PDE9A: variants seen among roughly 807,000 people sequenced by gnomAD.
The protein encoded by PDE9A is phosphodiesterase 9A, also known as high affinity cGMP-specific 3',5'-cyclic phosphodiesterase 9A.
A neutral mutation model predicts 87.4 loss-of-function variants in PDE9A; 60 were observed. The observed-to-expected ratio is 0.69, with a 90% CI of 0.56 to 0.85. PDE9A has a LOEUF of 0.85. Among genes scored for constraint, PDE9A ranks in the 40% least tolerant of loss-of-function variants. The pLI is 0.00. For synonymous variants in PDE9A, 272 were observed against 279.4 expected (o/e 0.97, Z 0.27); for missense variants, 665 against 779.0 (o/e 0.85, Z 1.74).
At chr21:42,679,036 A>C (rs1163290071) in intron 1 of PDE9A, among the ~76,000 whole-genome samples, 1 of 152,194 alleles carries the variant, frequency 6.6e-6, no homozygotes, top group Non-Finnish European at 1.5e-5. Context: ...TCAGATAAAA[A>C]CACACAGGTG....
At chr21:42,725,656 G>T (rs2050957648) in intron 4 of PDE9A, among the ~76,000 whole-genome samples, 1 of 152,138 alleles carries the variant, frequency 6.6e-6, no homozygotes, top group Non-Finnish European at 1.5e-5. Flanking sequence ...CATCCATCCG[G>T]GTTGTCGCCT....
chr21:42,708,063 A>G (rs139318399), intron 4 of PDE9A, among the ~76,000 whole-genome samples: 19 of 152,266 alleles, frequency 1.2e-4, no homozygotes, highest in Non-Finnish European at 2.2e-4. Context: ...GCGCATAGAC[A>G]TGTTGCTCAT....
chr21:42,757,916 T>C (rs2055251417), intron 10 of PDE9A: 1 of 152,280 alleles, frequency 6.6e-6, no homozygotes, highest in Admixed American at 6.5e-5. Context: ...CTTTACCATG[T>C]TGACCTGGGG....
chr21:42,686,893 T>C (rs1162472663), intron 2 of PDE9A, among the ~76,000 whole-genome samples: 1 of 152,176 alleles, frequency 6.6e-6, no homozygotes, highest in Non-Finnish European at 1.5e-5. Flanking sequence ...AGCGGGGTGG[T>C]TGTGTGTGTT....
Position 42,687,887 on chromosome 21 carries a change from C to T in PDE9A, c.141-30C>T, listed in dbSNP as rs779535186. 57 of 1,600,788 alleles carry T rather than the reference C, an allele frequency of 3.6e-5. 1 individual carries two copies. The highest frequency in any genetic ancestry group is 2.0e-4 in the Admixed American group (12 of 59,976). On this transcript the variant is annotated intron_variant, in intron 2 of 19. Transcript: ENST00000291539. ...TGTACATCCCAGAGCACACTATGGGCGAAAACACGGGCTTGGGTGTGTTTT... is the reference window on the plus strand; with the variant it reads ...TGTACATCCCAGAGCACACTATGGGTGAAAACACGGGCTTGGGTGTGTTTT...
rs2058801696 is a variant in PDE9A at position 42,675,550 on chromosome 21, A to T, written c.70-10642A>T. On this transcript the variant is annotated intron_variant, in intron 1 of 19. Coordinates refer to ENST00000291539, the MANE Select transcript of PDE9A (RefSeq NM_002606.3). The surrounding 1 kb of genome is among the most constrained non-coding windows in gnomAD (Gnocchi z 4.3). ...GAAATGAGACTGTGAGTCAAAGGGC[A>T]CAAATACCGCCAACCTGCTTTCCGA... Among the ~76,000 whole-genome samples, 1 of 152,246 alleles carries T rather than the reference A, an allele frequency of 6.6e-6. No homozygotes were observed. The highest frequency in any genetic ancestry group is 2.1e-4 in the South Asian group (1 of 4,838).
In PDE9A at chr21:42,775,304, G is replaced by A. The variant is rs764720978; in HGVS notation, c.*11G>A. 13 of 1,610,086 alleles carry A rather than the reference G, an allele frequency of 8.1e-6. No homozygotes were observed. In the South Asian group the frequency reaches 1.2e-4, roughly 15 times the overall value. On this transcript the variant is annotated 3_prime_UTR_variant, in exon 20 of 20. Coordinates refer to ENST00000291539, the MANE Select transcript of PDE9A (RefSeq NM_002606.3). The stretch of plus-strand genomic sequence containing the variant: ...GGAGACTGTGCCTGAGGAAAGCGGG[G>A]GGCGTGGCTGCAGTTCTGGACGGGC...
Position 42,653,811 on chromosome 21 carries a change from C to T in PDE9A, c.-4C>T. ...AAAGTCCGAGTGCAGCCGCCGGGCG[C>T]AGGATGGGATCCGGCTCCTCCAGCT... On this transcript the variant is annotated 5_prime_UTR_variant, in exon 1 of 20. Transcript: ENST00000291539. 1 of 1,548,354 alleles carries T rather than the reference C, an allele frequency of 6.5e-7. No individual in the cohort carries two copies. The highest frequency in any genetic ancestry group is 2.6e-5 in the East Asian group (1 of 38,428).
chr21:42,729,757 C>T (rs1455983125), intron 4 of PDE9A, among the ~76,000 whole-genome samples: 1 of 152,116 alleles, frequency 6.6e-6, no homozygotes, highest in Non-Finnish European at 1.5e-5. Context: ...TCCTCTTTGA[C>T]CCTTAAGTTA....
intron 1 of PDE9A, among the ~76,000 whole-genome samples, chr21:42,678,444 T>TG (rs2058973535): frequency 6.6e-6 from 1 of 152,182 alleles, no homozygotes. Context: ...GCAGCCTCAA[T>TG]GCCCTTCTGA....
Position 42,696,515 on chromosome 21 carries a change from G to A in PDE9A, c.219-2453G>A, listed in dbSNP as rs1296814209. Among the ~76,000 whole-genome samples, 3 of 152,166 alleles carry A rather than the reference G, an allele frequency of 2.0e-5. No individual in the cohort carries two copies. Among genetic ancestry groups the A allele is most frequent in the East Asian group, 1.9e-4 (1 of 5,188 alleles). On this transcript the variant is annotated intron_variant, in intron 3 of 19. Transcript: ENST00000291539. This position sits in a 1 kb window ranked among gnomAD's most constrained non-coding sequence, Gnocchi z 5.1. ...GGCAAAGCCCCTTCCTGCTGCCCAC[G>A]CAGGTCCTGGCTTTCTCTCCACCCA...
chr21:42,767,479 C>G (rs553554538), intron 15 of PDE9A, among the ~76,000 whole-genome samples: 55 of 151,726 alleles, frequency 3.6e-4, no homozygotes, highest in African/African-American at 1.3e-3. Flanking sequence ...AGGATCCCTT[C>G]GAGGTCCTGC....
chr21:42,681,257 A>G (rs2059149721), intron 1 of PDE9A, among the ~76,000 whole-genome samples: 1 of 152,228 alleles, frequency 6.6e-6, no homozygotes, highest in Non-Finnish European at 1.5e-5. Flanking sequence ...TGGTTACCCA[A>G]AGGGCTTCCT....
chr21:42,775,412 T>C lies in PDE9A; in HGVS notation c.*119T>C. 1 of 740,898 alleles carries C rather than the reference T, an allele frequency of 1.3e-6. No individual in the cohort carries two copies. Among genetic ancestry groups the C allele is most frequent in the African/African-American group, 1.8e-5 (1 of 54,938 alleles). The allele number at this position is 740,898 out of a possible 1,614,324, so 45.9% of individuals were successfully genotyped here. A position where few individuals can be genotyped will look rare whatever the true frequency, so the allele number is the denominator to read the frequency against. ...ACAAGACCATGTTTTCTAAGAACCA[T>C]TTTGTTCACTGATACAAAAAAAAAA... On this transcript the variant is annotated 3_prime_UTR_variant, in exon 20 of 20. Transcript: ENST00000291539.
chr21:42,761,884 A>G (rs1317684060), intron 13 of PDE9A, among the ~76,000 whole-genome samples, 199 bp from the exon 14 acceptor site: 1 of 150,436 alleles, frequency 6.6e-6, no homozygotes, highest in Non-Finnish European at 1.5e-5. Context: ...CTGCAGGAGC[A>G]TGGGGACGTG....
chr21:42,709,060 C>T (rs1051094028), intron 4 of PDE9A, among the ~76,000 whole-genome samples: 1 of 152,156 alleles, frequency 6.6e-6, no homozygotes, highest in African/African-American at 2.4e-5. Context: ...TCCAAATGCC[C>T]ATCAATGATA....
chr21:42,681,993 T>G (rs2146111159), intron 1 of PDE9A, among the ~76,000 whole-genome samples: 1 of 152,346 alleles, frequency 6.6e-6, no homozygotes, highest in Middle Eastern at 3.4e-3. Context: ...AGGAGCAGCA[T>G]CAGGCTGGGT....
At chr21:42,738,971 A>G (rs914011544) in intron 7 of PDE9A, among the ~76,000 whole-genome samples, 3 of 152,188 alleles carry the variant, frequency 2.0e-5, no homozygotes, top group Non-Finnish European at 1.5e-5. Context: ...GATTATAGGC[A>G]TGAGCCACTG....
rs2055632675 is a variant in PDE9A, at chr21:42,760,671, G to A, written c.1003-154G>A. ...CCTGGTCACCCCCCCAACCCCCACA[G>A]GCAGGCCGATCCTCTCCCACCATGC... On this transcript the variant is annotated intron_variant, in intron 12 of 19. Transcript: ENST00000291539. The surrounding 1 kb of genome is among the most constrained non-coding windows in gnomAD (Gnocchi z 5.2). Among the ~76,000 whole-genome samples, 1 of 150,858 alleles carries A rather than the reference G, an allele frequency of 6.6e-6. No homozygotes were observed. The highest frequency in any genetic ancestry group is 2.1e-4 in the South Asian group (1 of 4,762).
Sources: gnomAD v4.1 joint callset for allele counts (sites outside exome capture counted in the v4.1 genomes callset) on GRCh38, gnomAD v4.1.1 for gene constraint, Gnocchi (gnomAD v3.1) non-coding constraint, MANE v1.5 for transcripts, NCBI Gene and HGNC (gene_info 2026-07-23, HGNC 2026-07-21) for gene names.